Variants in TTC23L observed in about 807,000 individuals in gnomAD.
TTC23L encodes the protein tetratricopeptide repeat protein 23-like.
TTC23L carries 42 observed loss-of-function variants against 48.1 expected under a neutral mutation model. The ratio of observed to expected loss-of-function variants is 0.87; its 90% CI spans 0.68 to 1.13. TTC23L has a LOEUF of 1.13. Among genes scored for constraint, TTC23L ranks in the 50% most tolerant of loss-of-function variants. The pLI, the probability that TTC23L is intolerant of heterozygous loss-of-function variation, is 0.00. For missense variants in TTC23L, 391 were observed against 421.0 expected, an observed-to-expected ratio of 0.93 and a Z score of 0.62; for synonymous variants, 159 against 157.2, an observed-to-expected ratio of 1.01 and a Z score of -0.09.
Position 34,872,130 on chromosome 5 carries a change from AAAG to A in TTC23L, c.949+3127_949+3129del, listed in dbSNP as rs796179159. ...CCATCTCTACCACAAAAAAAAAAAA[AAAG>A]AAGAAGAAGCTGGGTGTGGTAGCAT... is the stretch of plus-strand genomic sequence containing the variant. On this transcript the variant is annotated intron_variant, in intron 8 of 10. Transcript: ENST00000505624. 3.6e-4 allele frequency among the ~76,000 whole-genome samples: 55 copies of A among 151,386 alleles called. No individual in the cohort carries two copies. In the East Asian group the frequency reaches 8.2e-3, roughly 23 times the overall value.
chr5:34,865,987 T>C (rs769243062), intron 6 of TTC23L, among the ~76,000 whole-genome samples: 3 of 152,226 alleles, frequency 2.0e-5, no homozygotes, highest in Non-Finnish European at 4.4e-5. Context: ...ATAAACTCAA[T>C]TGTTTTATTT....
At position 34,840,481 on chromosome 5, in the gene TTC23L, C is replaced by T. The variant is rs528050283; in HGVS notation, c.-7-184C>T. Among the ~76,000 whole-genome samples the T allele has an allele frequency of 3.3e-5, 5 of 152,270 alleles. No individual in the cohort carries two copies. The South Asian group carries it at 1.0e-3, about 32-fold the overall frequency. On this transcript the variant is annotated intron_variant, in intron 1 of 10. Coordinates refer to ENST00000505624, the Ensembl canonical transcript of TTC23L. The stretch of plus-strand genomic sequence containing the variant: ...TTAGGGGAAAGAAATTTAACTTAGA[C>T]ATTTAATTTGGCAAATGTCTGTTTT...
intron 3 of TTC23L, among the ~76,000 whole-genome samples, chr5:34,846,707 G>GTATA (rs60691086): frequency 8.5e-5 from 11 of 129,760 alleles, no homozygotes; most frequent in African/African-American, 2.5e-4. Flanking sequence ...GTGTGTGTGT[G>GTATA]TATCCATCCT....
rs963717858 is a variant in TTC23L at position 34,863,362 on chromosome 5, G to A, written c.536+308G>A. ...ACCCAAGAAAATCAGTGTTAGCAAT[G>A]AGGATGAGGGTGGTGGTGGTGGTGG... On this transcript the variant is annotated intron_variant, in intron 5 of 10. Transcript: ENST00000505624. The surrounding 1 kb of genome is among the most constrained non-coding windows in gnomAD (Gnocchi z 4.1). 6.6e-6 allele frequency among the ~76,000 whole-genome samples: 1 copy of A among 150,728 alleles called. No individual in the cohort carries two copies. The highest frequency in any genetic ancestry group is 1.9e-4 in the East Asian group (1 of 5,168).
the TTC23L span, chr5:34,907,716 T>C: frequency 1.9e-4 from 29 of 152,334 alleles, no homozygotes; most frequent in African/African-American, 6.7e-4. Context: ...CCTGTAACAC[T>C]GAAAATTGCT....
intron 2 of TTC23L, among the ~76,000 whole-genome samples, chr5:34,842,418 C>T (rs1177012120): frequency 6.6e-6 from 1 of 151,890 alleles, no homozygotes; most frequent in East Asian, 1.9e-4. Context: ...CCTATGTAAC[C>T]TGCCACAATC....
chr5:34,918,635 C>A, the TTC23L span: 2 of 475,010 alleles, frequency 4.2e-6, no homozygotes, highest in South Asian at 4.4e-5. Flanking sequence ...GTTAACATTT[C>A]GTAAGAAATT....
chr5:34,872,541 T>A (rs1320233585), intron 8 of TTC23L, among the ~76,000 whole-genome samples: 1 of 152,080 alleles, frequency 6.6e-6, no homozygotes, highest in Non-Finnish European at 1.5e-5. Context: ...TTTAAAAATT[T>A]AAAAATATAT....
At chr5:34,913,626 T>C in the TTC23L span, 1 of 1,137,070 alleles carries the variant, frequency 8.8e-7, no homozygotes. Flanking sequence ...GAATAAAAAC[T>C]AATAATATAA....
the TTC23L span, chr5:34,908,852 C>T: frequency 6.2e-7 from 1 of 1,612,110 alleles, no homozygotes; most frequent in Non-Finnish European, 8.5e-7. Flanking sequence ...TAATCATATA[C>T]TGTAATGAAA....
intron 9 of TTC23L, among the ~76,000 whole-genome samples, chr5:34,888,067 G>A (rs1463433263): frequency 1.3e-5 from 2 of 152,178 alleles, no homozygotes; most frequent in Admixed American, 1.3e-4. Flanking sequence ...AGGACTCAAG[G>A]TGGAGCCTTC....
intron 4 of TTC23L, among the ~76,000 whole-genome samples, chr5:34,851,047 C>A (rs774415389): frequency 3.3e-5 from 5 of 152,170 alleles, no homozygotes; most frequent in Non-Finnish European, 7.4e-5. Flanking sequence ...GTACTGTGCT[C>A]ATATATGCTT....
chr5:34,918,304 C>G, the TTC23L span: 1 of 906,056 alleles, frequency 1.1e-6, no homozygotes, highest in Non-Finnish European at 1.8e-6. Context: ...GACCCTGTCA[C>G]AAAACAAGAT....
At chr5:34,900,952 C>G (rs983431507), downstream of TTC23L, among the ~76,000 whole-genome samples, 13 of 152,156 alleles carry the variant, frequency 8.5e-5, no homozygotes, top group African/African-American at 3.1e-4. Flanking sequence ...CAGTACAGTA[C>G]GTACTCCAGT....
chr5:34,841,192 A>G (rs552391946), intron 2 of TTC23L, among the ~76,000 whole-genome samples: 8 of 152,354 alleles, frequency 5.3e-5, no homozygotes, highest in African/African-American at 1.9e-4. Context: ...TTTTTAAAAT[A>G]AAAATAGGTT....
the TTC23L span, among the ~76,000 whole-genome samples, chr5:34,917,668 T>A: frequency 6.6e-6 from 1 of 152,024 alleles, no homozygotes; most frequent in Non-Finnish European, 1.5e-5. Flanking sequence ...AGTAAACTGT[T>A]GAAAAAGCTA....
the TTC23L span, chr5:34,908,725 T>C: frequency 6.7e-7 from 1 of 1,495,156 alleles, no homozygotes; most frequent in Non-Finnish European, 9.1e-7. Flanking sequence ...GAACTTCATC[T>C]ATCATAAATG....
intron 3 of TTC23L, among the ~76,000 whole-genome samples, chr5:34,849,731 A>G (rs1759505983): frequency 6.6e-6 from 1 of 152,208 alleles, no homozygotes. Flanking sequence ...ATTTAAGGTG[A>G]GGATGGGTGG....
At chr5:34,916,027 A>T in the TTC23L span, 67 of 1,105,158 alleles carry the variant, frequency 6.1e-5, 1 homozygote, top group East Asian at 1.3e-3. Context: ...CGGTTTTAGC[A>T]ATTCTCCCGG....
Sources: allele counts gnomAD v4.1 joint callset (sites outside exome capture counted in the v4.1 genomes callset), GRCh38; gene constraint gnomAD v4.1.1; non-coding constraint Gnocchi (gnomAD v3.1); transcripts MANE v1.5; gene names NCBI Gene and HGNC (gene_info 2026-07-23, HGNC 2026-07-21).